Variants in TCF7L2 observed in about 807,000 individuals in gnomAD.
TCF7L2 encodes transcription factor 7-like 2.
In TCF7L2, 23 loss-of-function variants were observed where a neutral mutation model predicts 77.9. That is an observed-to-expected ratio of 0.30 (90% CI 0.21 to 0.42). TCF7L2 has a LOEUF of 0.42. Among genes scored for constraint, TCF7L2 ranks in the 10% least tolerant of loss-of-function variants. The pLI, the probability that TCF7L2 is intolerant of heterozygous loss-of-function variation, is 1.00. For synonymous variants in TCF7L2, 413 were observed against 340.2 expected (o/e 1.21, Z -2.36); for missense variants, 654 against 793.1 (o/e 0.82, Z 2.11).
chr10:113,144,134 G>GTA, intron 7 of TCF7L2, 109 bp downstream of exon 7: 3 of 688,378 alleles, frequency 4.4e-6, no homozygotes, highest in Non-Finnish European at 6.3e-6. Context: ...GTGTGTGTGT[G>GTA]TGTATGTGTG....
At chr10:113,087,010 A>G (rs906716413) in intron 5 of TCF7L2, among the ~76,000 whole-genome samples, 1 of 152,118 alleles carries the variant, frequency 6.6e-6, no homozygotes, top group African/African-American at 2.4e-5. Flanking sequence ...ACACAAGAAA[A>G]AAAAAAGGGC....
intron 5 of TCF7L2, among the ~76,000 whole-genome samples, chr10:113,121,481 T>C (rs1485538749): frequency 6.6e-6 from 1 of 152,244 alleles, no homozygotes; most frequent in Non-Finnish European, 1.5e-5. Flanking sequence ...TTTTTTACTG[T>C]GCTAGTGGCA....
chr10:113,073,503 C>CAAAAAAAAAAAAAAAAA (rs35730806), intron 5 of TCF7L2, among the ~76,000 whole-genome samples: 3 of 43,966 alleles, frequency 6.8e-5, no homozygotes, highest in Admixed American at 3.0e-4. Flanking sequence ...CGGTCTCTAC[C>CAAAAAAAAAAAAAAAAA]AAAAAAAAAA....
At chr10:112,986,193 A>T (rs2041503954) in intron 4 of TCF7L2, among the ~76,000 whole-genome samples, 1 of 152,016 alleles carries the variant, frequency 6.6e-6, no homozygotes, top group South Asian at 2.1e-4. Flanking sequence ...TGACTTGGGA[A>T]AGCAACATGA....
At chr10:112,986,682 G>A (rs1170479444) in intron 4 of TCF7L2, among the ~76,000 whole-genome samples, 1 of 152,164 alleles carries the variant, frequency 6.6e-6, no homozygotes, top group Non-Finnish European at 1.5e-5. Context: ...GTGGTTAAGA[G>A]GATGTATTAG....
intron 5 of TCF7L2, among the ~76,000 whole-genome samples, chr10:113,124,193 T>TA (rs66808559): frequency 7.5e-6 from 1 of 132,894 alleles, no homozygotes; most frequent in African/African-American, 2.5e-5. Flanking sequence ...GTAGAAACCT[T>TA]AAAAAAAATT....
chr10:113,040,168 G>C, intron 5 of TCF7L2, 42 bp downstream of exon 5: 4 of 1,562,816 alleles, frequency 2.6e-6, no homozygotes, highest in Non-Finnish European at 3.5e-6. Context: ...TTATTGAGGG[G>C]GTGAAAAAGA....
At chr10:113,052,418 C>T (rs1053871891) in intron 5 of TCF7L2, among the ~76,000 whole-genome samples, 1 of 152,176 alleles carries the variant, frequency 6.6e-6, no homozygotes, top group African/African-American at 2.4e-5. Flanking sequence ...GGGAAAGTGT[C>T]AGAAATTGAG....
chr10:113,125,753 C>G (rs2065482967), intron 5 of TCF7L2: 1 of 151,946 alleles, frequency 6.6e-6, no homozygotes. Context: ...GAGCTGAAGG[C>G]TTTTAAAGTC....
intron 5 of TCF7L2, among the ~76,000 whole-genome samples, chr10:113,064,035 G>A (rs2134998758): frequency 6.6e-6 from 1 of 152,282 alleles, no homozygotes; most frequent in Non-Finnish European, 1.5e-5. Flanking sequence ...CGAGGAAGGG[G>A]AGGCGTTTAT....
intron 5 of TCF7L2, among the ~76,000 whole-genome samples, chr10:113,100,962 CT>C (rs2061564497): frequency 4.6e-5 from 7 of 152,238 alleles, no homozygotes; most frequent in African/African-American, 1.7e-4. Context: ...GTAATCCCAG[CT>C]ACTCGGGAGG....
intron 5 of TCF7L2, among the ~76,000 whole-genome samples, chr10:113,098,224 T>C (rs1490018026): frequency 6.6e-6 from 1 of 152,074 alleles, no homozygotes; most frequent in East Asian, 1.9e-4. Flanking sequence ...TTGTTTCTTC[T>C]TGGACCTTTC....
chr10:112,997,497 G>A (rs1387570396), intron 4 of TCF7L2, among the ~76,000 whole-genome samples: 4 of 152,222 alleles, frequency 2.6e-5, no homozygotes, highest in Non-Finnish European at 5.9e-5. Flanking sequence ...CCAATGATAG[G>A]CACTTTTCTG....
At chr10:113,127,625 A>G (rs1274128631) in intron 5 of TCF7L2, among the ~76,000 whole-genome samples, 1 of 151,532 alleles carries the variant, frequency 6.6e-6, no homozygotes, top group African/African-American at 2.4e-5. Flanking sequence ...TTTAAACCCT[A>G]CAGAACTTTG....
chr10:113,138,844 C>A (rs535669792), intron 5 of TCF7L2, among the ~76,000 whole-genome samples: 26 of 152,164 alleles, frequency 1.7e-4, no homozygotes, highest in African/African-American at 6.0e-4. Context: ...TGAGCCCAGA[C>A]CCACTGTGAA....
intron 5 of TCF7L2, among the ~76,000 whole-genome samples, chr10:113,131,165 A>G (rs1386483646): frequency 6.6e-6 from 1 of 152,236 alleles, no homozygotes; most frequent in East Asian, 1.9e-4. Flanking sequence ...TGTATGACCA[A>G]ACAGAAATAA....
chr10:113,014,915 T>C (rs913553702), intron 4 of TCF7L2, among the ~76,000 whole-genome samples: 11 of 152,196 alleles, frequency 7.2e-5, no homozygotes, highest in Admixed American at 6.5e-5. Flanking sequence ...TGGCTGGCTG[T>C]AGTGGCTCAT....
intron 5 of TCF7L2, among the ~76,000 whole-genome samples, chr10:113,079,449 C>T (rs1042956511): frequency 2.6e-5 from 4 of 152,102 alleles, no homozygotes; most frequent in Non-Finnish European, 4.4e-5. Flanking sequence ...TTTAATGTCC[C>T]TTAAGTACTT....
At chr10:112,961,092 C>T (rs1275728036) in intron 3 of TCF7L2, among the ~76,000 whole-genome samples, 1 of 150,338 alleles carries the variant, frequency 6.7e-6, no homozygotes, top group African/African-American at 2.5e-5. Context: ...TCGCTCACCG[C>T]AACCTCCCCC....
Sources: gnomAD v4.1 joint callset for allele counts (sites outside exome capture counted in the v4.1 genomes callset) on GRCh38, gnomAD v4.1.1 for gene constraint, MANE v1.5 for transcripts, NCBI Gene and HGNC (gene_info 2026-07-23, HGNC 2026-07-21) for gene names.